DIAPH2: variants seen among roughly 807,000 people sequenced by gnomAD.
The protein encoded by DIAPH2 is diaphanous related formin 2.
Under a neutral mutation model 92.7 loss-of-function variants are expected in DIAPH2, and 35 were observed. That is an observed-to-expected ratio of 0.38 (90% CI 0.29 to 0.50). The LOEUF is 0.50. Among genes scored for constraint, DIAPH2 ranks in the 20% least tolerant of loss-of-function variants. The pLI is 0.94. For missense variants in DIAPH2, 701 were observed against 819.5 expected, an observed-to-expected ratio of 0.86 and a Z score of 1.77; for synonymous variants, 301 against 280.4, an observed-to-expected ratio of 1.07 and a Z score of -0.73.
At chrX:97,086,179 A>G (rs1602331897) in intron 19 of DIAPH2, among the ~76,000 whole-genome samples, 1 of 111,915 alleles carries the variant, frequency 8.9e-6, no homozygotes, top group Non-Finnish European at 1.9e-5. Flanking sequence ...CCTTATACAC[A>G]TTGTGCTCAA....
chrX:97,212,533 T>C (rs1361052548), intron 22 of DIAPH2, among the ~76,000 whole-genome samples: 1 of 109,647 alleles, frequency 9.1e-6, no homozygotes, highest in African/African-American at 3.3e-5. Flanking sequence ...ATCCTATTCT[T>C]ACCTTTCTCA....
At chrX:96,922,633 C>CT (rs2147787654) in intron 9 of DIAPH2, among the ~76,000 whole-genome samples, 1 of 111,954 alleles carries the variant, frequency 8.9e-6, no homozygotes, top group African/African-American at 3.2e-5. Flanking sequence ...CCATTGCTAA[C>CT]TTTTTCATTG....
chrX:97,356,547 C>A (rs1261756480), intron 24 of DIAPH2, among the ~76,000 whole-genome samples: 1 of 111,770 alleles, frequency 8.9e-6, no homozygotes, highest in African/African-American at 3.2e-5. Context: ...ACCTCATTCC[C>A]CAGCTGTGCC....
intron 5 of DIAPH2, among the ~76,000 whole-genome samples, chrX:96,897,589 G>T (rs930004341): frequency 1.3e-4 from 14 of 110,500 alleles, no homozygotes; most frequent in Non-Finnish European, 1.9e-4. Flanking sequence ...CCCAGTTGCT[G>T]AATTTAGGTT....
chrX:96,825,354 C>CTTTTTTTT (rs57788752), intron 4 of DIAPH2, among the ~76,000 whole-genome samples: 3 of 82,582 alleles, frequency 3.6e-5, no homozygotes, highest in Non-Finnish European at 5.0e-5. Context: ...CATGTGTTTT[C>CTTTTTTTT]TTTTTTTTTT....
At position 97,288,386 on chromosome X, in the gene DIAPH2, T is replaced by G. The variant is rs189906353; in HGVS notation, c.2844+40547T>G. ...ATTATATAATTTAAATGATGAACTG[T>G]GGGGCCATGCTAAATTGTGAAGGAA... On this transcript the variant is annotated intron_variant, in intron 23 of 26. Coordinates refer to ENST00000324765, the MANE Select transcript of DIAPH2 (RefSeq NM_006729.5). 4.0e-3 allele frequency among the ~76,000 whole-genome samples: 446 copies of G among 110,850 alleles called. 1 individual carries two copies. Among genetic ancestry groups the G allele is most frequent in the African/African-American group, 0.014 (429 of 30,551 alleles).
intron 26 of DIAPH2, among the ~76,000 whole-genome samples, chrX:97,465,211 G>C (rs1045647943): frequency 4.5e-5 from 5 of 110,441 alleles, no homozygotes; most frequent in Middle Eastern, 4.6e-3. Context: ...GACTACACTA[G>C]CTTCAGGCCC....
intron 9 of DIAPH2, among the ~76,000 whole-genome samples, chrX:96,928,274 A>T (rs748577955): frequency 9.0e-6 from 1 of 111,196 alleles, no homozygotes; most frequent in African/African-American, 3.3e-5. Flanking sequence ...TAGATGGTGA[A>T]TTATGTAAAG....
intron 17 of DIAPH2, among the ~76,000 whole-genome samples, chrX:97,025,756 AG>A (rs1485517307): frequency 8.9e-6 from 1 of 112,814 alleles, no homozygotes; most frequent in Non-Finnish European, 1.9e-5. Flanking sequence ...ATTACTTTTT[AG>A]TAGTCTAGAA....
At chrX:97,220,602 T>TG (rs753080722) in intron 22 of DIAPH2, among the ~76,000 whole-genome samples, 83 of 111,248 alleles carry the variant, frequency 7.5e-4, no homozygotes, top group African/African-American at 2.4e-3. Flanking sequence ...GGGAAGGTGA[T>TG]GTGGGAGCAG....
chrX:97,185,474 C>CATATATATATAT (rs1180330581), intron 22 of DIAPH2, among the ~76,000 whole-genome samples: 2 of 10,510 alleles, frequency 1.9e-4, no homozygotes, highest in Non-Finnish European at 3.2e-4. Flanking sequence ...TATATATACA[C>CATATATATATAT]ATATATATAT....
intron 4 of DIAPH2, among the ~76,000 whole-genome samples, chrX:96,782,546 G>T (rs1361309937): frequency 9.0e-6 from 1 of 111,152 alleles, no homozygotes; most frequent in African/African-American, 3.3e-5. Context: ...TGATCCGCCC[G>T]CCTCGGCCTC....
At chrX:97,365,497 T>C (rs908266529) in intron 24 of DIAPH2, among the ~76,000 whole-genome samples, 1 of 110,784 alleles carries the variant, frequency 9.0e-6, no homozygotes, top group African/African-American at 3.3e-5. Context: ...CACTACCCTT[T>C]TTCTCTGATT....
At position 97,249,898 on chromosome X, in the gene DIAPH2, C is replaced by T. The variant is rs999804943; in HGVS notation, c.2844+2059C>T. On this transcript the variant is annotated intron_variant, in intron 23 of 26. Transcript: ENST00000324765. ...GGCGGATCACCTGAGGTCAGGAGTT[C>T]GAGACCAGCCTCAACATGGAGAAAC... Among the ~76,000 whole-genome samples the T allele has an allele frequency of 3.6e-5, 4 of 110,539 alleles. No homozygotes were observed. The South Asian group carries it at 1.6e-3, about 43-fold the overall frequency.
chrX:97,142,898 A>G (rs778952987), intron 22 of DIAPH2, among the ~76,000 whole-genome samples: 136 of 111,581 alleles, frequency 1.2e-3, no homozygotes, highest in African/African-American at 4.3e-3. Flanking sequence ...TTTAAGTTAA[A>G]AATAGTGAAT....
At chrX:96,824,939 C>T (rs1045662535) in intron 4 of DIAPH2, among the ~76,000 whole-genome samples, 2 of 107,007 alleles carry the variant, frequency 1.9e-5, no homozygotes, top group Non-Finnish European at 3.9e-5. Flanking sequence ...TAATGTTTTT[C>T]TTTCTTTTTT....
intron 25 of DIAPH2, among the ~76,000 whole-genome samples, chrX:97,404,166 A>G (rs925601420): frequency 2.7e-5 from 3 of 111,874 alleles, no homozygotes; most frequent in East Asian, 5.6e-4. Context: ...GATAATCCCT[A>G]TATAGTGAGG....
At chrX:97,599,184 C>T in intron 26 of DIAPH2, 69 bp from the exon 27 acceptor site, 1 of 779,937 alleles carries the variant, frequency 1.3e-6, no homozygotes, top group South Asian at 2.5e-5. Flanking sequence ...CTTTCTCAAC[C>T]TAACATCATG....
intron 17 of DIAPH2, among the ~76,000 whole-genome samples, chrX:97,033,215 C>T (rs1397815411): frequency 8.9e-6 from 1 of 111,969 alleles, no homozygotes; most frequent in Non-Finnish European, 1.9e-5. Flanking sequence ...ATATCCATTC[C>T]GTGTCAAGAA....
Sources: allele counts gnomAD v4.1 joint callset (sites outside exome capture counted in the v4.1 genomes callset), GRCh38; gene constraint gnomAD v4.1.1; transcripts MANE v1.5; gene names NCBI Gene and HGNC (gene_info 2026-07-23, HGNC 2026-07-21).